Variants in COMMD1 observed in about 807,000 individuals in gnomAD.
COMMD1 encodes the protein copper metabolism domain containing 1, also known as COMM domain-containing protein 1.
A neutral mutation model predicts 17.2 loss-of-function variants in COMMD1; 10 were observed. The ratio of observed to expected loss-of-function variants is 0.58; its 90% CI spans 0.36 to 0.99. The LOEUF is 0.99. Among genes scored for constraint, COMMD1 ranks in the 50% least tolerant of loss-of-function variants. The pLI is 0.01. For synonymous variants in COMMD1, 97 were observed against 91.6 expected (o/e 1.06, Z -0.34); for missense variants, 270 against 231.8 (o/e 1.17, Z -1.07).
At chr2:62,127,620 T>C (rs1431023943) in intron 2 of COMMD1, among the ~76,000 whole-genome samples, 3 of 152,084 alleles carry the variant, frequency 2.0e-5, no homozygotes, top group Non-Finnish European at 4.4e-5. Context: ...AAAAAAGCAA[T>C]GGGGAAAGGA....
intron 2 of COMMD1, among the ~76,000 whole-genome samples, chr2:62,091,461 G>T (rs181461677): frequency 2.6e-5 from 4 of 152,228 alleles, no homozygotes; most frequent in African/African-American, 9.6e-5. Flanking sequence ...TATACTGATG[G>T]CATTTGTACA....
At chr2:62,096,678 C>G (rs1470088699) in intron 2 of COMMD1, among the ~76,000 whole-genome samples, 6 of 152,134 alleles carry the variant, frequency 3.9e-5, no homozygotes, top group African/African-American at 1.2e-4. Flanking sequence ...GGGGAAAGGT[C>G]GTAATAGCAG....
At chr2:61,936,598 C>T (rs1434127280) in intron 1 of COMMD1, among the ~76,000 whole-genome samples, 1 of 152,070 alleles carries the variant, frequency 6.6e-6, no homozygotes, top group Admixed American at 6.6e-5. Flanking sequence ...CTAGAAACTT[C>T]ATATAGTTCT....
chr2:62,123,522 G>GA (rs200376990), intron 2 of COMMD1, among the ~76,000 whole-genome samples: 4,583 of 117,394 alleles, frequency 0.039, 306 homozygotes, highest in African/African-American at 0.13. Context: ...TAAAAAAAAA[G>GA]AAAAAAAAAA....
chr2:62,092,797 T>G (rs1312788629), intron 2 of COMMD1, among the ~76,000 whole-genome samples: 6 of 152,160 alleles, frequency 3.9e-5, no homozygotes, highest in Non-Finnish European at 1.5e-5. Context: ...GCCAACCTCA[T>G]AGGTCTCCCT....
intron 2 of COMMD1, among the ~76,000 whole-genome samples, chr2:62,031,930 A>C (rs1209091964): frequency 6.6e-6 from 1 of 152,166 alleles, no homozygotes; most frequent in African/African-American, 2.4e-5. Context: ...TCACATTAAC[A>C]ATACTTAGTT....
At chr2:62,083,057 G>C (rs534049969) in intron 2 of COMMD1, among the ~76,000 whole-genome samples, 3 of 152,212 alleles carry the variant, frequency 2.0e-5, no homozygotes, top group African/African-American at 7.2e-5. Context: ...CCAGGAGTTT[G>C]AGACCAGCCT....
At chr2:61,930,555 C>T (rs766588906) in intron 1 of COMMD1, among the ~76,000 whole-genome samples, 5 of 151,214 alleles carry the variant, frequency 3.3e-5, no homozygotes, top group African/African-American at 1.2e-4. Flanking sequence ...GACTCCGTCT[C>T]GGAAAGAAAA....
At chr2:61,947,623 C>T in intron 1 of COMMD1, among the ~76,000 whole-genome samples, 1 of 151,542 alleles carries the variant, frequency 6.6e-6, no homozygotes, top group African/African-American at 2.4e-5. Context: ...GCAGAGGTTG[C>T]AATGAGCCAA....
intron 2 of COMMD1, among the ~76,000 whole-genome samples, chr2:62,081,403 C>T (rs1573159401): frequency 6.6e-6 from 1 of 151,632 alleles, no homozygotes; most frequent in Non-Finnish European, 1.5e-5. Context: ...AGGAATGTGC[C>T]ACCACACCCG....
chr2:61,997,915 ATAT>A (rs1668809820), intron 1 of COMMD1, among the ~76,000 whole-genome samples: 2 of 152,240 alleles, frequency 1.3e-5, no homozygotes, highest in Non-Finnish European at 2.9e-5. Flanking sequence ...TATTTCATCT[ATAT>A]TGAAAACCTT....
Position 61,960,177 on chromosome 2 carries a change from A to T in COMMD1, c.181-40524A>T, listed in dbSNP as rs193166152. On this transcript the variant is annotated intron_variant, in intron 1 of 2. Coordinates refer to ENST00000311832, the MANE Select transcript of COMMD1 (RefSeq NM_152516.4). ...GTGGATAGCAATCTTATAGTAAGAA[A>T]TTGTGACTTTTTATAATCTTTGAAG... 2.6e-5 allele frequency among the ~76,000 whole-genome samples: 4 copies of T among 152,232 alleles called. No individual in the cohort carries two copies. In the East Asian group the frequency reaches 7.7e-4, roughly 29 times the overall value.
At chr2:61,917,081 C>T (rs937169245) in intron 1 of COMMD1, among the ~76,000 whole-genome samples, 1 of 152,006 alleles carries the variant, frequency 6.6e-6, no homozygotes, top group Non-Finnish European at 1.5e-5. Flanking sequence ...GGGCCGGACA[C>T]AAAGGCTCAT....
intron 1 of COMMD1, among the ~76,000 whole-genome samples, chr2:61,889,219 TTTTTTTTG>T: frequency 1.5e-5 from 2 of 135,790 alleles, no homozygotes; most frequent in Admixed American, 7.4e-5. Context: ...TTTTTTTTTT[TTTTTTTTG>T]ACAGAGTCTC....
intron 2 of COMMD1, among the ~76,000 whole-genome samples, chr2:62,068,341 C>G (rs1342187545): frequency 6.6e-6 from 1 of 152,196 alleles, no homozygotes; most frequent in East Asian, 1.9e-4. Flanking sequence ...CAGTGTCTGG[C>G]TTTTCATTCT....
chr2:62,093,337 G>A lies in COMMD1; in HGVS notation c.463-42494G>A, dbSNP rs538539355. 1.1e-4 allele frequency among the ~76,000 whole-genome samples: 17 copies of A among 152,274 alleles called. No individual in the cohort carries two copies. The South Asian group carries it at 1.5e-3, about 13-fold the overall frequency. On this transcript the variant is annotated intron_variant, in intron 2 of 2. Coordinates refer to ENST00000311832, the MANE Select transcript of COMMD1 (RefSeq NM_152516.4). ...GTTTTGGGCATATAGTACATCAAGC[G>A]TATACCTTTTGGGCTACCATGGGGG...
intron 2 of COMMD1, among the ~76,000 whole-genome samples, chr2:62,040,944 C>A (rs2103894421): frequency 6.6e-6 from 1 of 152,316 alleles, no homozygotes; most frequent in East Asian, 1.9e-4. Flanking sequence ...CTCCTGGCCT[C>A]AAGTGGCCTG....
intron 2 of COMMD1, among the ~76,000 whole-genome samples, chr2:62,013,697 T>C (rs1050313789): frequency 2.6e-5 from 4 of 152,172 alleles, no homozygotes; most frequent in East Asian, 1.9e-4. Flanking sequence ...GGAAGGGATG[T>C]AGAGAATGAG....
upstream of COMMD1, chr2:61,888,468 C>CG: frequency 6.2e-7 from 1 of 1,611,998 alleles, no homozygotes; most frequent in Non-Finnish European, 8.5e-7. Flanking sequence ...CCGGCAGCCC[C>CG]GGCAGTCGCC....
Sources: allele counts gnomAD v4.1 joint callset (sites outside exome capture counted in the v4.1 genomes callset), GRCh38; gene constraint gnomAD v4.1.1; transcripts MANE v1.5; gene names NCBI Gene and HGNC (gene_info 2026-07-23, HGNC 2026-07-21).